Variants in ST3GAL5 observed in about 807,000 individuals in gnomAD.
ST3GAL5 encodes the protein ST3 beta-galactoside alpha-2,3-sialyltransferase 5, also known as lactosylceramide alpha-2,3-sialyltransferase.
In ST3GAL5, 25 loss-of-function variants were observed where a neutral mutation model predicts 46.1. That is an observed-to-expected ratio of 0.54 (90% CI 0.40 to 0.76). The LOEUF (loss-of-function observed/expected upper bound fraction) is 0.76, where lower values mean the gene tolerates loss of function less well. ST3GAL5 is among the 30% of genes least tolerant of loss of function. The pLI, the probability that ST3GAL5 is intolerant of heterozygous loss-of-function variation, is 0.00. For synonymous variants in ST3GAL5, 182 were observed against 192.7 expected (o/e 0.94, Z 0.46); for missense variants, 431 against 521.2 (o/e 0.83, Z 1.69).
At chr2:85,854,934 G>A (rs960422663) in intron 3 of ST3GAL5, 18 of 152,190 alleles carry the variant, frequency 1.2e-4, no homozygotes, top group African/African-American at 3.9e-4. Flanking sequence ...CTTAAAATAC[G>A]AGTAACAGAA....
Position 85,844,350 on chromosome 2 carries a change from G to A in ST3GAL5, c.1008+46C>T, listed in dbSNP as rs199785061. 728 of 1,612,744 alleles carry A rather than the reference G, an allele frequency of 4.5e-4. No homozygotes were observed. The highest frequency in any genetic ancestry group is 5.7e-4 in the Non-Finnish European group (668 of 1,179,020). ...AGCCAAAGTGAAATTTGTACACATC[G>A]CCCCTCAAACAGGGAATGATTAACT... is the stretch of plus-strand genomic sequence containing the variant. On this transcript the variant is annotated intron_variant, in intron 6 of 6. Transcript: ENST00000638572.
intron 1 of ST3GAL5, chr2:85,866,183 C>G (rs919622439): frequency 6.6e-6 from 1 of 152,242 alleles, no homozygotes; most frequent in Non-Finnish European, 1.5e-5. Flanking sequence ...TGTTTGCTAT[C>G]TTCACCTCAA....
chr2:85,849,354 C>G (rs1203304549), intron 3 of ST3GAL5: 1 of 152,696 alleles, frequency 6.5e-6, no homozygotes, highest in Non-Finnish European at 1.5e-5. Context: ...TGCCACTGCA[C>G]TCCAGCCTGG....
At chr2:85,863,330 G>A (rs573543171) in intron 2 of ST3GAL5, 32 bp downstream of exon 2, 1 of 1,613,366 alleles carries the variant, frequency 6.2e-7, no homozygotes, top group South Asian at 1.1e-5. Context: ...ACCCAAAGCA[G>A]GGGGATCTAC....
At chr2:85,860,811 G>C (rs1684630231) in intron 3 of ST3GAL5, 1 of 289,568 alleles carries the variant, frequency 3.5e-6, no homozygotes, top group Admixed American at 4.8e-5. Flanking sequence ...TCAACCCTGG[G>C]TGCAGAGCGA....
Position 85,863,435 on chromosome 2 carries a change from G to A in ST3GAL5, c.133C>T (p.Pro45Ser). The change falls in exon 2 of 7, where the codon CCT (proline) becomes TCT (serine). Residue 45 changes from proline to serine, a missense_variant. Physicochemically the swap from Pro to Ser is moderately conservative, Grantham distance 74. Transcript: ENST00000638572. ...GCTCGGGTGTACCATTGCAGGGAAG[G>A]CCTCGAGCAATCACTTCTCAGTTTC... is the stretch of plus-strand genomic sequence containing the variant. ...YVKLRSDCSR[P>S]SLQWYTRAQS... The A allele has an allele frequency of 1.2e-6, 2 of 1,614,176 alleles. No individual in the cohort carries two copies. Among genetic ancestry groups the A allele is most frequent in the Non-Finnish European group, 1.7e-6 (2 of 1,180,038 alleles).
chr2:85,874,612 T>C, intron 1 of ST3GAL5, among the ~76,000 whole-genome samples: 1 of 152,130 alleles, frequency 6.6e-6, no homozygotes, highest in East Asian at 1.9e-4. Flanking sequence ...ATAGCATTCA[T>C]TGCCACTGAT....
rs1473054774 is a variant in ST3GAL5 at position 85,839,565 on chromosome 2, G to A, written c.*579C>T. 1 of 159,314 alleles carries A rather than the reference G, an allele frequency of 6.3e-6. No individual in the cohort carries two copies. Among genetic ancestry groups the A allele is most frequent in the African/African-American group, 2.4e-5 (1 of 41,484 alleles). The allele number at this position is 159,314 out of a possible 1,614,324, so 9.9% of individuals were successfully genotyped here. ...CAGGGACCTCCAGGACAGCTTCCCT[G>A]GTTGGTTCTCGAGTCTTTCAGCAGA... On this transcript the variant is annotated 3_prime_UTR_variant, in exon 7 of 7. Coordinates refer to ENST00000638572, the MANE Select transcript of ST3GAL5 (RefSeq NM_003896.4).
rs933992277 is a variant in ST3GAL5, at chr2:85,846,284, C to T, written c.849+93G>A. The T allele has an allele frequency of 2.2e-5, 25 of 1,150,372 alleles. No homozygotes were observed. In the Admixed American group the frequency reaches 4.8e-4, roughly 22 times the overall value. The allele number at this position is 1,150,372 out of a possible 1,614,324, so 71.3% of individuals were successfully genotyped here. A position where few individuals can be genotyped will look rare whatever the true frequency, so the allele number is the denominator to read the frequency against. On this transcript the variant is annotated intron_variant, in intron 5 of 6. Coordinates refer to ENST00000638572, the MANE Select transcript of ST3GAL5 (RefSeq NM_003896.4). ...ACAACACATAAGTATGCATTCCGCT[C>T]TGCGTGTTTAAAAATAAAAGGCTAT...
intron 1 of ST3GAL5, among the ~76,000 whole-genome samples, chr2:85,868,581 G>C (rs1425571286): frequency 6.6e-6 from 1 of 151,472 alleles, no homozygotes; most frequent in Admixed American, 6.6e-5. Flanking sequence ...AAAGTGCTGG[G>C]ATTACAGTTG....
chr2:85,858,621 T>A (rs1684407972), intron 3 of ST3GAL5, among the ~76,000 whole-genome samples: 1 of 152,166 alleles, frequency 6.6e-6, no homozygotes, highest in South Asian at 2.1e-4. Context: ...ACCCCTGACT[T>A]TCTTAAAGAT....
chr2:85,844,700 A>T (rs1371905889), intron 5 of ST3GAL5, 146 bp from the exon 6 acceptor site: 4 of 1,094,544 alleles, frequency 3.7e-6, no homozygotes, highest in African/African-American at 1.6e-5. Flanking sequence ...AGATTGCAAA[A>T]GCTACGCAAA....
chr2:85,863,219 T>C, intron 2 of ST3GAL5, 143 bp downstream of exon 2: 1 of 1,486,522 alleles, frequency 6.7e-7, no homozygotes, highest in Non-Finnish European at 9.2e-7. Context: ...TACTCAGACG[T>C]GCCTTTGAAT....
At chr2:85,853,033 G>A (rs896132938) in intron 3 of ST3GAL5, 5 of 1,304,092 alleles carry the variant, frequency 3.8e-6, no homozygotes, top group South Asian at 1.2e-5. Context: ...ATGAAGAAGC[G>A]GCTGAGTCCA....
intron 3 of ST3GAL5, chr2:85,858,084 C>G (rs1417854650): frequency 6.6e-6 from 1 of 152,200 alleles, no homozygotes; most frequent in Non-Finnish European, 1.5e-5. Context: ...CTGAAAGTCA[C>G]TGAGTTGGGG....
intron 1 of ST3GAL5, among the ~76,000 whole-genome samples, chr2:85,880,678 G>C (rs1209443037): frequency 6.6e-6 from 1 of 152,082 alleles, no homozygotes; most frequent in East Asian, 1.9e-4. Context: ...ACAAAAATTA[G>C]CTGGGCTTGG....
At position 85,888,806 on chromosome 2, in the gene ST3GAL5, G is replaced by A. The variant is rs1175056982; in HGVS notation, c.82+18C>T. 8.3e-6 allele frequency: 10 copies of A among 1,206,694 alleles called. No homozygotes were observed. The highest frequency in any genetic ancestry group is 1.0e-5 in the Non-Finnish European group (10 of 973,278). The allele number at this position is 1,206,694 out of a possible 1,614,324, so 74.7% of individuals were successfully genotyped here. On this transcript the variant is annotated intron_variant, in intron 1 of 6. Coordinates refer to ENST00000638572, the MANE Select transcript of ST3GAL5 (RefSeq NM_003896.4). ...CCGCGGGCCCCCGCGACGCCGAGGA[G>A]GGGGCTGCGCCACGTACCTCGGCCG...
Position 85,863,488 on chromosome 2 carries a change from G to T in ST3GAL5, c.83-3C>A. 6.2e-7 allele frequency: 1 copy of T among 1,614,172 alleles called. No homozygotes were observed. Among genetic ancestry groups the T allele is most frequent in the Non-Finnish European group, 8.5e-7 (1 of 1,180,024 alleles). On this transcript the variant is annotated splice_polypyrimidine_tract_variant and splice_region_variant and intron_variant, in intron 1 of 6. Coordinates refer to ENST00000638572, the MANE Select transcript of ST3GAL5 (RefSeq NM_003896.4). ...ATAGGTGTACTCACTTGGCATTGCT[G>T]TGAAGAGAGGCGAAGAGGGCAGTGG... is the stretch of plus-strand genomic sequence containing the variant.
rs1300443279 is a variant in ST3GAL5, at chr2:85,838,919, C to G, written c.*1225G>C. On this transcript the variant is annotated 3_prime_UTR_variant, in exon 7 of 7. Transcript: ENST00000638572. The stretch of plus-strand genomic sequence containing the variant: ...ATCAGAGGCTAGAGCCATTAAGAGA[C>G]AGAAGCTAGGGGCAGCCTGTCTTTG... The G allele has an allele frequency of 6.6e-6, 1 of 152,432 alleles. No homozygotes were observed. The highest frequency in any genetic ancestry group is 2.4e-5 in the African/African-American group (1 of 41,470). 9.4% of individuals were successfully genotyped at this position (152,432 alleles called of 1,614,324 possible). A position where few individuals can be genotyped will look rare whatever the true frequency, so the allele number is the denominator to read the frequency against.
Sources: gnomAD v4.1 joint callset for allele counts (sites outside exome capture counted in the v4.1 genomes callset) on GRCh38, gnomAD v4.1.1 for gene constraint, MANE v1.5 for transcripts, NCBI Gene and HGNC (gene_info 2026-07-23, HGNC 2026-07-21) for gene names.